The following KCNMA1 variants were observed in gnomAD, a reference collection of about 807,000 sequenced individuals.
KCNMA1 encodes Calcium-activated potassium channel subunit alpha-1.
Under a neutral mutation model 140.0 loss-of-function variants are expected in KCNMA1, and 29 were observed. That is an observed-to-expected ratio of 0.21 (90% CI 0.15 to 0.28). The LOEUF (loss-of-function observed/expected upper bound fraction) is 0.28. KCNMA1 is among the 10% of genes least tolerant of loss of function. KCNMA1 has a pLI of 1.00. For missense variants in KCNMA1, 880 were observed against 1,602.2 expected (o/e 0.55, Z 7.70); for synonymous variants, 612 against 611.9 (o/e 1.00, Z 0.00).
intron 2 of KCNMA1, among the ~76,000 whole-genome samples, chr10:77,349,043 T>C (rs535845132): frequency 5.3e-5 from 8 of 152,222 alleles, no homozygotes; most frequent in Non-Finnish European, 7.3e-5. Flanking sequence ...GCTCAGCAAC[T>C]TACTTTCTTA....
intron 23 of KCNMA1, among the ~76,000 whole-genome samples, chr10:76,926,651 G>A (rs774865383): frequency 6.2e-4 from 95 of 152,128 alleles, no homozygotes; most frequent in Non-Finnish European, 1.2e-3. Flanking sequence ...TTAGATTACC[G>A]TGCATCATAC....
intron 11 of KCNMA1, among the ~76,000 whole-genome samples, chr10:77,086,113 T>C (rs1048723088): frequency 2.6e-5 from 4 of 152,226 alleles, no homozygotes; most frequent in African/African-American, 9.6e-5. Flanking sequence ...AAGTCAGAGC[T>C]ATATTGAGTC....
intron 1 of KCNMA1, among the ~76,000 whole-genome samples, chr10:77,625,940 G>A (rs975653398): frequency 5.3e-5 from 8 of 151,996 alleles, no homozygotes; most frequent in East Asian, 1.9e-4. Flanking sequence ...GCTTTCCACC[G>A]CATCTGTACC....
At chr10:76,934,769 T>C (rs1050049463) in intron 23 of KCNMA1, among the ~76,000 whole-genome samples, 8 of 152,196 alleles carry the variant, frequency 5.3e-5, no homozygotes, top group African/African-American at 1.9e-4. Flanking sequence ...TACTTCTCTC[T>C]GATTCTACAG....
intron 2 of KCNMA1, among the ~76,000 whole-genome samples, chr10:77,358,359 A>G (rs2093674368): frequency 6.6e-6 from 1 of 152,138 alleles, no homozygotes; most frequent in Non-Finnish European, 1.5e-5. Flanking sequence ...ACTTATCTGT[A>G]GTAGATATTA....
intron 1 of KCNMA1, among the ~76,000 whole-genome samples, chr10:77,417,097 C>T (rs903229345): frequency 6.6e-6 from 1 of 152,186 alleles, no homozygotes; most frequent in Non-Finnish European, 1.5e-5. Flanking sequence ...ATGCTCTCCC[C>T]ATTGCTCCCC....
At chr10:77,101,778 C>G (rs947440989) in intron 9 of KCNMA1, among the ~76,000 whole-genome samples, 1 of 152,180 alleles carries the variant, frequency 6.6e-6, no homozygotes, top group Non-Finnish European at 1.5e-5. Flanking sequence ...CAGTCCGCCC[C>G]TTGCAGGCGA....
intron 3 of KCNMA1, among the ~76,000 whole-genome samples, chr10:77,229,388 G>A (rs185426472): frequency 6.7e-6 from 1 of 149,068 alleles, no homozygotes; most frequent in Non-Finnish European, 1.5e-5. Flanking sequence ...ACCAAAAATA[G>A]TAGTAACAAT....
intron 14 of KCNMA1, among the ~76,000 whole-genome samples, chr10:77,049,519 G>A (rs2095273040): frequency 1.3e-5 from 2 of 152,270 alleles, no homozygotes; most frequent in African/African-American, 4.8e-5. Context: ...TTTCCGTATC[G>A]ACTGTAAGCT....
intron 23 of KCNMA1, 62 bp downstream of exon 23, chr10:76,944,711 T>A (rs1160440546): frequency 6.9e-7 from 1 of 1,453,860 alleles, no homozygotes; most frequent in African/African-American, 1.4e-5. Flanking sequence ...GTGAAGGATA[T>A]CCCTCTTGCC....
intron 2 of KCNMA1, among the ~76,000 whole-genome samples, chr10:77,320,742 A>C (rs2082115853): frequency 6.6e-6 from 1 of 152,242 alleles, no homozygotes; most frequent in African/African-American, 2.4e-5. Flanking sequence ...GAGTTACAGA[A>C]AAAAACCCAA....
chr10:77,502,660 T>C (rs1338453564), intron 1 of KCNMA1, among the ~76,000 whole-genome samples: 2 of 152,160 alleles, frequency 1.3e-5, no homozygotes, highest in Admixed American at 6.5e-5. Flanking sequence ...GCCTGAACTC[T>C]TTCTTCACTG....
At chr10:77,505,461 G>T (rs2045486524) in intron 1 of KCNMA1, among the ~76,000 whole-genome samples, 1 of 152,244 alleles carries the variant, frequency 6.6e-6, no homozygotes, top group Non-Finnish European at 1.5e-5. Context: ...AAAGATTAGT[G>T]CCATTAGAGA....
At chr10:76,998,202 C>T (rs2085015655) in intron 19 of KCNMA1, among the ~76,000 whole-genome samples, 1 of 152,184 alleles carries the variant, frequency 6.6e-6, no homozygotes, top group South Asian at 2.1e-4. Context: ...GTTTTCAGAA[C>T]TGTGTGAGCA....
chr10:77,550,574 C>A (rs137938955), intron 1 of KCNMA1, among the ~76,000 whole-genome samples: 4 of 152,196 alleles, frequency 2.6e-5, no homozygotes, highest in Non-Finnish European at 5.9e-5. Context: ...AGAGCTGGAA[C>A]GGGCCCTGAA....
At chr10:77,247,160 ATAAGAAGTAGCAGCGTT>A (rs1222570481) in intron 3 of KCNMA1, among the ~76,000 whole-genome samples, 1 of 152,234 alleles carries the variant, frequency 6.6e-6, no homozygotes, top group Non-Finnish European at 1.5e-5. Context: ...TAACCGTAGC[ATAAGAAGTAGCAGCGTT>A]TAAACATGAA....
intron 2 of KCNMA1, among the ~76,000 whole-genome samples, chr10:77,295,332 A>C (rs1440788994): frequency 6.7e-6 from 1 of 149,564 alleles, no homozygotes; most frequent in Non-Finnish European, 1.5e-5. Context: ...GGACAACAAG[A>C]GTGAAACTCG....
chr10:76,944,721 C>T, intron 23 of KCNMA1, 52 bp downstream of exon 23: 1 of 1,537,932 alleles, frequency 6.5e-7, no homozygotes, highest in Non-Finnish European at 9.0e-7. Flanking sequence ...TCCCTCTTGC[C>T]AGCCCCTGTC....
Position 76,977,354 on chromosome 10 carries a change from G to T in KCNMA1, c.2267-7287C>A, listed in dbSNP as rs748613559. Among the ~76,000 whole-genome samples, 17 of 152,228 alleles carry T rather than the reference G, an allele frequency of 1.1e-4. 1 individual carries two copies. Among genetic ancestry groups the T allele is most frequent in the Admixed American group, 5.2e-4 (8 of 15,294 alleles). The stretch of plus-strand genomic sequence containing the variant: ...AAGTCATTGGGGAAACAAAATCTAA[G>T]AATAATAATATTTGGTAACCCACTA... On this transcript the variant is annotated intron_variant, in intron 19 of 27. Transcript: ENST00000286628.
Sources: gnomAD v4.1 joint callset for allele counts (sites outside exome capture counted in the v4.1 genomes callset) on GRCh38, gnomAD v4.1.1 for gene constraint, MANE v1.5 for transcripts, NCBI Gene and HGNC (gene_info 2026-07-23, HGNC 2026-07-21) for gene names.